The following LRP1B variants were observed in gnomAD, a reference collection of about 807,000 sequenced individuals.
LRP1B encodes the protein LDL receptor related protein 1B, also known as low-density lipoprotein receptor-related protein 1B.
In LRP1B, 217 loss-of-function variants were observed where a neutral mutation model predicts 556.6. That is an observed-to-expected ratio of 0.39 (90% CI 0.35 to 0.44). The LOEUF is 0.44. Among genes scored for constraint, LRP1B ranks in the 20% least tolerant of loss-of-function variants. The pLI, the probability that LRP1B is intolerant of heterozygous loss-of-function variation, is 1.00. For missense variants in LRP1B, 5,053 were observed against 5,620.8 expected, an observed-to-expected ratio of 0.90 and a Z score of 3.23; for synonymous variants, 2,047 against 1,865.8, an observed-to-expected ratio of 1.10 and a Z score of -2.50.
chr2:141,917,015 A>T (rs1700055742), intron 1 of LRP1B, among the ~76,000 whole-genome samples: 1 of 152,212 alleles, frequency 6.6e-6, no homozygotes, highest in African/African-American at 2.4e-5. Flanking sequence ...ACATTTAAAA[A>T]TTTTAAACCT....
At chr2:141,665,020 G>A (rs1690372596) in intron 2 of LRP1B, among the ~76,000 whole-genome samples, 1 of 152,042 alleles carries the variant, frequency 6.6e-6, no homozygotes, top group African/African-American at 2.4e-5. Flanking sequence ...ATAAGCCAAT[G>A]GAACAGAACA....
intron 1 of LRP1B, among the ~76,000 whole-genome samples, chr2:142,124,398 G>A (rs867200519): frequency 1.9e-4 from 29 of 148,982 alleles, no homozygotes; most frequent in African/African-American, 6.8e-4. Context: ...AAGTTAATGT[G>A]ACTGCATATG....
chr2:141,817,293 C>G (rs1378818577), intron 1 of LRP1B, among the ~76,000 whole-genome samples: 1 of 151,930 alleles, frequency 6.6e-6, no homozygotes, highest in Non-Finnish European at 1.5e-5. Context: ...ACTTACATGC[C>G]TAAGGAAGAA....
At chr2:140,494,695 G>A (rs180946629) in intron 56 of LRP1B, among the ~76,000 whole-genome samples, 2,131 of 148,760 alleles carry the variant, frequency 0.014, 19 homozygotes, top group Admixed American at 0.022. Context: ...ATGAAAAATT[G>A]AAAGGAGTTA....
At position 140,334,024 on chromosome 2, in the gene LRP1B, A is replaced by AC. The variant is rs200606340; in HGVS notation, c.12223+428_12223+429insG. 1.6e-3 allele frequency among the ~76,000 whole-genome samples: 238 copies of AC among 151,418 alleles called. 2 individuals are homozygous for AC. Among genetic ancestry groups the AC allele is most frequent in the Non-Finnish European group, 6.5e-4 (44 of 67,668 alleles). On this transcript the variant is annotated intron_variant, in intron 79 of 90. Coordinates refer to ENST00000389484, the MANE Select transcript of LRP1B (RefSeq NM_018557.3). ...AAAAAACAAAACAAAACAAAACAAA[A>AC]AAAAAAACACCAAACCTGTCTTTTA...
At chr2:141,626,062 G>A (rs1015937913) in intron 2 of LRP1B, among the ~76,000 whole-genome samples, 7 of 151,856 alleles carry the variant, frequency 4.6e-5, no homozygotes, top group Non-Finnish European at 1.0e-4. Context: ...AGACATACAG[G>A]GGTTTAAACA....
intron 49 of LRP1B, among the ~76,000 whole-genome samples, chr2:140,520,551 A>T (rs1690117788): frequency 6.6e-6 from 1 of 151,972 alleles, no homozygotes; most frequent in African/African-American, 2.4e-5. Context: ...ACATGTACAC[A>T]TATGTAAAAA....
intron 36 of LRP1B, among the ~76,000 whole-genome samples, 191 bp downstream of exon 36, chr2:140,716,491 A>G (rs1347665182): frequency 6.6e-6 from 1 of 152,114 alleles, no homozygotes; most frequent in East Asian, 1.9e-4. Flanking sequence ...CTACTTCTAC[A>G]TAAAAAAACT....
intron 2 of LRP1B, among the ~76,000 whole-genome samples, chr2:141,747,489 T>A (rs1003737139): frequency 6.6e-5 from 10 of 152,292 alleles, no homozygotes; most frequent in African/African-American, 1.9e-4. Flanking sequence ...AGAAGCTTGC[T>A]AGCTTGACAT....
chr2:140,375,522 A>T (rs1161874210), intron 68 of LRP1B, among the ~76,000 whole-genome samples: 2 of 152,154 alleles, frequency 1.3e-5, no homozygotes, highest in Admixed American at 6.6e-5. Context: ...AGAAAGAGAA[A>T]GATTAATCAA....
At chr2:141,715,040 G>A (rs1339457032) in intron 2 of LRP1B, among the ~76,000 whole-genome samples, 1 of 152,124 alleles carries the variant, frequency 6.6e-6, no homozygotes, top group Non-Finnish European at 1.5e-5. Flanking sequence ...GCTTCATTGA[G>A]ATCAATGATA....
chr2:141,092,988 CAAAG>C (rs1700206699), intron 7 of LRP1B, among the ~76,000 whole-genome samples: 1 of 148,734 alleles, frequency 6.7e-6, no homozygotes, highest in African/African-American at 2.5e-5. Flanking sequence ...TTCTGTGACA[CAAAG>C]AAGGAAAAAA....
intron 2 of LRP1B, among the ~76,000 whole-genome samples, chr2:141,568,795 C>A (rs1437623375): frequency 6.6e-6 from 1 of 151,192 alleles, no homozygotes; most frequent in Admixed American, 6.6e-5. Context: ...GCCCTGTCAC[C>A]CAGACTGGAG....
At chr2:141,274,921 C>T (rs1685227013) in intron 3 of LRP1B, among the ~76,000 whole-genome samples, 1 of 152,082 alleles carries the variant, frequency 6.6e-6, no homozygotes, top group Non-Finnish European at 1.5e-5. Flanking sequence ...ACATATAAGT[C>T]AACCAAAAAT....
intron 41 of LRP1B, among the ~76,000 whole-genome samples, chr2:140,645,969 G>A (rs1684469456): frequency 6.6e-6 from 1 of 151,828 alleles, no homozygotes; most frequent in Non-Finnish European, 1.5e-5. Flanking sequence ...CTTGTATTAT[G>A]TACCTTATTG....
At chr2:141,858,092 C>G (rs1186190047) in intron 1 of LRP1B, among the ~76,000 whole-genome samples, 1 of 151,870 alleles carries the variant, frequency 6.6e-6, no homozygotes, top group African/African-American at 2.4e-5. Flanking sequence ...TTTGCTGTAC[C>G]TTATCATTTC....
At chr2:140,526,390 A>G (rs1288136429) in intron 47 of LRP1B, 40 bp from the exon 48 acceptor site, 2 of 1,154,916 alleles carry the variant, frequency 1.7e-6, no homozygotes, top group Admixed American at 1.7e-5. Flanking sequence ...AAGATGGGAC[A>G]GAATGACTCC....
At chr2:142,016,063 C>A (rs976238769) in intron 1 of LRP1B, among the ~76,000 whole-genome samples, 1 of 142,054 alleles carries the variant, frequency 7.0e-6, no homozygotes, top group African/African-American at 2.6e-5. Context: ...ATTTATGTGG[C>A]TAACAAACAT....
intron 84 of LRP1B, among the ~76,000 whole-genome samples, chr2:140,286,825 A>C (rs1426191772): frequency 1.3e-5 from 2 of 151,864 alleles, no homozygotes; most frequent in African/African-American, 4.8e-5. Flanking sequence ...CAAAGTATCT[A>C]TTAAAATGAA....
Sources: gnomAD v4.1 joint callset for allele counts (sites outside exome capture counted in the v4.1 genomes callset) on GRCh38, gnomAD v4.1.1 for gene constraint, MANE v1.5 for transcripts, NCBI Gene and HGNC (gene_info 2026-07-23, HGNC 2026-07-21) for gene names.